AQP11: variants seen among roughly 807,000 people sequenced by gnomAD.
AQP11 encodes the protein aquaporin-11.
A neutral mutation model predicts 21.1 loss-of-function variants in AQP11; 20 were observed. That is an observed-to-expected ratio of 0.95 (90% confidence interval 0.67 to 1.38). The LOEUF is 1.38. AQP11 is among the 40% of genes most tolerant of loss of function. AQP11 has a pLI of 0.00. For missense variants in AQP11, 339 were observed against 340.4 expected (o/e 1.00, Z 0.03); for synonymous variants, 167 against 150.1 (o/e 1.11, Z -0.82).
At chr11:77,596,378 T>C (rs1958778537) in intron 1 of AQP11, among the ~76,000 whole-genome samples, 1 of 149,174 alleles carries the variant, frequency 6.7e-6, no homozygotes, top group Admixed American at 6.8e-5. Context: ...GAGGCGGAGG[T>C]TGCAGCGAGC....
rs1345868878 is a variant in AQP11 at position 77,609,471 on chromosome 11, T to G, written c.*94T>G. ...TATGGAAAACACCGGCTGCACTGGA[T>G]TCATCAGTGTTAACTTCCTTTGAGG... On this transcript the variant is annotated 3_prime_UTR_variant, in exon 3 of 3. Coordinates refer to ENST00000313578, the MANE Select transcript of AQP11 (RefSeq NM_173039.3). 9 of 979,660 alleles carry G rather than the reference T, an allele frequency of 9.2e-6. No individual in the cohort carries two copies. In the African/African-American group the frequency reaches 1.5e-4, roughly 16 times the overall value. 60.7% of individuals were successfully genotyped at this position (979,660 alleles called of 1,614,324 possible).
At chr11:77,597,329 T>G (rs1958789262) in intron 1 of AQP11, among the ~76,000 whole-genome samples, 1 of 152,202 alleles carries the variant, frequency 6.6e-6, no homozygotes, top group African/African-American at 2.4e-5. Flanking sequence ...CCCAGCACTT[T>G]GGGAGGCCAA....
At chr11:77,596,455 A>AT (rs60868372) in intron 1 of AQP11, among the ~76,000 whole-genome samples, 13,790 of 130,244 alleles carry the variant, frequency 0.11, 957 homozygotes, top group African/African-American at 0.17. Flanking sequence ...AAAAAAAAAA[A>AT]ATATATATAT....
At chr11:77,605,797 G>T (rs542730452) in intron 2 of AQP11, among the ~76,000 whole-genome samples, 14 of 152,232 alleles carry the variant, frequency 9.2e-5, no homozygotes, top group African/African-American at 3.4e-4. Context: ...GGTGGCTCAT[G>T]CCTGTAATCC....
chr11:77,598,504 T>G (rs1461874705), intron 1 of AQP11, among the ~76,000 whole-genome samples: 3 of 152,232 alleles, frequency 2.0e-5, no homozygotes, highest in Non-Finnish European at 4.4e-5. Context: ...GTTCCATGCC[T>G]GATGATTCTT....
At chr11:77,599,184 CCTGG>C (rs1350121285) in intron 1 of AQP11, among the ~76,000 whole-genome samples, 4 of 147,718 alleles carry the variant, frequency 2.7e-5, no homozygotes, top group Admixed American at 1.3e-4. Flanking sequence ...CCTGGCCACA[CCTGG>C]CTAATTTTTT....
At chr11:77,604,066 A>G (rs557937733) in intron 2 of AQP11, among the ~76,000 whole-genome samples, 1 of 152,250 alleles carries the variant, frequency 6.6e-6, no homozygotes, top group African/African-American at 2.4e-5. Flanking sequence ...TGTATTAAGT[A>G]TAGTTTAAAA....
chr11:77,603,917 G>GCTTA (rs1440235598), intron 2 of AQP11, among the ~76,000 whole-genome samples: 1 of 150,508 alleles, frequency 6.6e-6, no homozygotes, highest in African/African-American at 2.4e-5. Context: ...AGCAACGAGT[G>GCTTA]CTTACTTCCC....
intron 1 of AQP11, among the ~76,000 whole-genome samples, chr11:77,596,020 A>G (rs929239445): frequency 9.9e-5 from 15 of 152,126 alleles, no homozygotes; most frequent in Admixed American, 9.8e-4. Context: ...TACAAATGAA[A>G]AACACCTTCA....
Position 77,603,649 on chromosome 11 carries a change from T to C in AQP11, c.713T>C (p.Val238Ala), listed in dbSNP as rs748709229. The C allele has an allele frequency of 3.1e-6, 5 of 1,601,282 alleles. No individual in the cohort carries two copies. The highest frequency in any genetic ancestry group is 2.3e-5 in the South Asian group (2 of 87,208). The change falls in exon 2 of 3, where the codon GTA (valine) becomes GCA (alanine). Residue 238 changes from valine to alanine, a missense_variant. Transcript: ENST00000313578. Reference sequence around the variant, plus strand: ...GAAGCATTCCCTCAGTTTTTTATAGTATACTGGCTGGCTCCTTCTTTAGGT... The same window carrying C: ...GAAGCATTCCCTCAGTTTTTTATAGCATACTGGCTGGCTCCTTCTTTAGGT... ...FDEAFPQFFI[V>A]YWLAPSLGIL... is the part of the protein sequence containing the mutation.
intron 1 of AQP11, among the ~76,000 whole-genome samples, chr11:77,591,943 G>A (rs552541559): frequency 1.5e-4 from 23 of 151,698 alleles, no homozygotes; most frequent in African/African-American, 4.6e-4. Context: ...CACTTTTTAA[G>A]TAGACATAAA....
intron 1 of AQP11, among the ~76,000 whole-genome samples, chr11:77,598,362 T>C (rs1421151202): frequency 1.3e-5 from 2 of 152,212 alleles, no homozygotes; most frequent in Admixed American, 6.5e-5. Context: ...ACCAAATCCA[T>C]GCTGTCCTCT....
At chr11:77,593,965 G>A (rs901763769) in intron 1 of AQP11, among the ~76,000 whole-genome samples, 34 of 152,164 alleles carry the variant, frequency 2.2e-4, no homozygotes, top group Admixed American at 2.2e-3. Context: ...GACACAAAAA[G>A]ACAAATACTG....
At chr11:77,606,988 A>AC (rs1485013580) in intron 2 of AQP11, among the ~76,000 whole-genome samples, 1 of 152,190 alleles carries the variant, frequency 6.6e-6, no homozygotes, top group Non-Finnish European at 1.5e-5. Context: ...AAGGACCCCT[A>AC]CCTTTTAAAA....
At chr11:77,597,901 G>A (rs748685558) in intron 1 of AQP11, among the ~76,000 whole-genome samples, 1 of 151,888 alleles carries the variant, frequency 6.6e-6, no homozygotes, top group African/African-American at 2.4e-5. Flanking sequence ...TCATAGGCGC[G>A]CTGTAATTTT....
At chr11:77,592,931 G>T (rs1034828085) in intron 1 of AQP11, among the ~76,000 whole-genome samples, 1 of 152,198 alleles carries the variant, frequency 6.6e-6, no homozygotes, top group Non-Finnish European at 1.5e-5. Context: ...CCTAGGCAGC[G>T]GTGTATTGTA....
At chr11:77,598,858 G>T (rs984468666) in intron 1 of AQP11, among the ~76,000 whole-genome samples, 3 of 152,108 alleles carry the variant, frequency 2.0e-5, no homozygotes, top group African/African-American at 7.2e-5. Flanking sequence ...GGGATTAAAG[G>T]TGTCTGCCAC....
intron 1 of AQP11, among the ~76,000 whole-genome samples, chr11:77,596,560 A>ATATATATATATATATATATATATATG (rs1554976434): frequency 6.8e-5 from 9 of 133,090 alleles, no homozygotes; most frequent in Non-Finnish European, 9.4e-5. Flanking sequence ...ATATATATAT[A>ATATATATATATATATATATATATATG]TATGTATGTA....
intron 1 of AQP11, among the ~76,000 whole-genome samples, chr11:77,597,912 TG>T (rs1958793188): frequency 6.6e-6 from 1 of 151,948 alleles, no homozygotes; most frequent in African/African-American, 2.4e-5. Flanking sequence ...CTGTAATTTT[TG>T]TACTTTTAGT....
Sources: allele counts gnomAD v4.1 joint callset (sites outside exome capture counted in the v4.1 genomes callset), GRCh38; gene constraint gnomAD v4.1.1; transcripts MANE v1.5; gene names NCBI Gene and HGNC (gene_info 2026-07-23, HGNC 2026-07-21).